GDF5: variants seen among roughly 807,000 people sequenced by gnomAD.
GDF5 encodes the protein growth/differentiation factor 5.
GDF5 carries 17 observed loss-of-function variants against 34.6 expected under a neutral mutation model. The ratio of observed to expected loss-of-function variants is 0.49; its 90% CI spans 0.34 to 0.74. GDF5 has a LOEUF of 0.74. Among genes scored for constraint, GDF5 ranks in the 30% least tolerant of loss-of-function variants. The pLI, the probability that GDF5 is intolerant of heterozygous loss-of-function variation, is 0.01. For synonymous variants in GDF5, 332 were observed against 290.7 expected, an observed-to-expected ratio of 1.14 and a Z score of -1.44; for missense variants, 616 against 661.2, an observed-to-expected ratio of 0.93 and a Z score of 0.75.
upstream of GDF5, chr20:35,438,350 AAAATAC>A: frequency 4.5e-6 from 1 of 224,032 alleles, no homozygotes; most frequent in South Asian, 5.6e-5. Context: ...CTTTCCAGTG[AAAATAC>A]TTCACACACA....
rs1601069551 is a variant in GDF5 at position 35,433,588 on chromosome 20, T to G, written c.*321A>C. On this transcript the variant is annotated 3_prime_UTR_variant, in exon 2 of 2. Transcript: ENST00000374369. Reference sequence around the variant, plus strand: ...AGTCCAGAGGCTGAGAAGGCCCAGGTGAGGAGAAATGGTGGGCTGAGTCTC... The same window carrying G: ...AGTCCAGAGGCTGAGAAGGCCCAGGGGAGGAGAAATGGTGGGCTGAGTCTC... 1 of 399,638 alleles carries G rather than the reference T, an allele frequency of 2.5e-6. No individual in the cohort carries two copies. Among genetic ancestry groups the G allele is most frequent in the Non-Finnish European group, 4.8e-6 (1 of 209,538 alleles). 24.8% of individuals were successfully genotyped at this position (399,638 alleles called of 1,614,324 possible).
chr20:35,434,589 C>A lies in GDF5; in HGVS notation c.826G>T (p.Ala276Ser), dbSNP rs224331. The change falls in exon 2 of 2, where the codon GCC becomes TCC. Residue 276 changes from alanine to serine, a missense_variant. Ala to Ser is a moderately conservative substitution (Grantham distance 99). Transcript: ENST00000374369. ...GGCACGGAGCGCACATCCAGCAAGG[C>A]GGCCGGCTGCCGGCCGCTGGGGCAG... ...SSCPSGRQPA[A>S]LLDVRSVPGL... The A allele has an allele frequency of 0.64, 1,017,324 of 1,584,228 alleles. 328,587 individuals carry two copies. Among genetic ancestry groups the A allele is most frequent in the Admixed American group, 0.74 (42,432 of 56,974 alleles).
At chr20:35,443,526 T>TTATTA (rs1373604000) in intron 1 of GDF5, among the ~76,000 whole-genome samples, 1 of 130,598 alleles carries the variant, frequency 7.7e-6, no homozygotes, top group African/African-American at 3.0e-5. Context: ...TATTATTATT[T>TTATTA]TTGGAGACAG....
Position 35,433,849 on chromosome 20 carries a change from C to T in GDF5, c.*60G>A, listed in dbSNP as rs1239813609. On this transcript the variant is annotated 3_prime_UTR_variant, in exon 2 of 2. Transcript: ENST00000374369. ...CAGCTTCCTGACCCCTCTGTGATTC[C>T]AGGAGTGCAGGAAGGGGCTCTTGGG... 2 of 1,403,822 alleles carry T rather than the reference C, an allele frequency of 1.4e-6. No individual in the cohort carries two copies. Among genetic ancestry groups the T allele is most frequent in the Admixed American group, 1.7e-5 (1 of 59,744 alleles). 87.0% of individuals were successfully genotyped at this position (1,403,822 alleles called of 1,614,324 possible). A position where few individuals can be genotyped will look rare whatever the true frequency, so the allele number is the denominator to read the frequency against.
chr20:35,449,766 T>C (rs1187957738), intron 1 of GDF5, among the ~76,000 whole-genome samples: 1 of 152,092 alleles, frequency 6.6e-6, no homozygotes, highest in African/African-American at 2.4e-5. Flanking sequence ...GGAACATTGC[T>C]TGATGCCAGG....
intron 1 of GDF5, chr20:35,454,501 T>A (rs1209639229): frequency 1.3e-5 from 2 of 157,700 alleles, no homozygotes; most frequent in Non-Finnish European, 2.8e-5. Flanking sequence ...GAATAACGCA[T>A]GGGTCCTATT....
chr20:35,448,448 C>CTTTTTTTTTTTTTTTTTT (rs34209210), intron 1 of GDF5, among the ~76,000 whole-genome samples: 1 of 86,748 alleles, frequency 1.2e-5, no homozygotes, highest in Non-Finnish European at 1.9e-5. Flanking sequence ...GCCCCCCCGA[C>CTTTTTTTTTTTTTTTTTT]TTTTTTTTTT....
At chr20:35,453,106 C>T (rs1303967331) in intron 1 of GDF5, among the ~76,000 whole-genome samples, 2 of 152,002 alleles carry the variant, frequency 1.3e-5, no homozygotes, top group African/African-American at 4.8e-5. Context: ...AAAAATTAGC[C>T]GGGCGTGGTG....
chr20:35,442,835 C>T (rs1026639650), upstream of GDF5, among the ~76,000 whole-genome samples: 2 of 152,096 alleles, frequency 1.3e-5, no homozygotes, highest in African/African-American at 4.8e-5. Context: ...CATGAGCCAC[C>T]ATGCCTGGCC....
At chr20:35,453,936 G>A (rs774161783) in intron 1 of GDF5, 32 of 534,434 alleles carry the variant, frequency 6.0e-5, no homozygotes, top group Admixed American at 5.6e-4. Flanking sequence ...ACAATCTCAT[G>A]CAGCGCTTCC....
chr20:35,450,041 G>A (rs965410964), intron 1 of GDF5, among the ~76,000 whole-genome samples: 31 of 151,400 alleles, frequency 2.0e-4, no homozygotes, highest in Admixed American at 5.9e-4. Context: ...CGCGGCTCAC[G>A]CCTGTAATCC....
Position 35,434,338 on chromosome 20 carries a change from C to T in GDF5, c.1077G>A (p.Lys359=). Residue 359 remains lysine (K), a synonymous_variant, in exon 2 of 2, where the codon AAG becomes AAA. Transcript: ENST00000374369. The stretch of plus-strand genomic sequence containing the variant: ...TCTTATCGTCCTGGCCAGAGCGGGC[C>T]TTAATCTCATTAAAGAACAGGTCCC... The part of the protein sequence containing the change: ...KKRDLFFNEI[K]ARSGQDDKTV... The T allele has an allele frequency of 6.2e-7, 1 of 1,613,954 alleles. No homozygotes were observed. The highest frequency in any genetic ancestry group is 2.2e-5 in the East Asian group (1 of 44,882).
intron 1 of GDF5, among the ~76,000 whole-genome samples, chr20:35,451,061 A>T (rs1234750022): frequency 0.069 from 703 of 10,254 alleles, 76 homozygotes; most frequent in East Asian, 0.37. Context: ...AAAAAAAAAA[A>T]AAAATATATA....
chr20:35,444,100 T>A (rs2062506723), intron 1 of GDF5, among the ~76,000 whole-genome samples: 2 of 152,104 alleles, frequency 1.3e-5, no homozygotes, highest in African/African-American at 2.4e-5. Flanking sequence ...TCAGCAAACA[T>A]TTATTGGGTG....
chr20:35,438,081 A>G lies in GDF5; in HGVS notation c.-153T>C, dbSNP rs1427860247. Reference sequence around the variant, plus strand: ...GGAAAGGCTTTCTCCTCAGTCTGAGACTCTTGAAGTCTGCCGGGTGTGTGT... The same window carrying G: ...GGAAAGGCTTTCTCCTCAGTCTGAGGCTCTTGAAGTCTGCCGGGTGTGTGT... On this transcript the variant is annotated 5_prime_UTR_variant, in exon 1 of 2. Transcript: ENST00000374369. The G allele has an allele frequency of 7.2e-6, 6 of 831,116 alleles. No homozygotes were observed. Among genetic ancestry groups the G allele is most frequent in the Non-Finnish European group, 1.2e-5 (6 of 509,558 alleles). 51.5% of individuals were successfully genotyped at this position (831,116 alleles called of 1,614,324 possible).
chr20:35,439,990 C>G (rs963284407), upstream of GDF5, among the ~76,000 whole-genome samples: 1 of 131,708 alleles, frequency 7.6e-6, no homozygotes, highest in African/African-American at 2.8e-5. Flanking sequence ...GATCTTGGCT[C>G]ACTGTAATCT....
intron 1 of GDF5, among the ~76,000 whole-genome samples, chr20:35,451,327 T>C (rs1324849863): frequency 6.6e-6 from 1 of 151,562 alleles, no homozygotes; most frequent in Non-Finnish European, 1.5e-5. Context: ...AAGAAACCGT[T>C]CCCCTCACCT....
intron 1 of GDF5, among the ~76,000 whole-genome samples, chr20:35,447,303 A>T (rs2062517081): frequency 6.6e-6 from 1 of 151,914 alleles, no homozygotes; most frequent in Non-Finnish European, 1.5e-5. Context: ...CATAGGTGGG[A>T]ATTTAACAAT....
intron 1 of GDF5, among the ~76,000 whole-genome samples, chr20:35,446,632 G>GT (rs1253571264): frequency 3.3e-5 from 5 of 151,626 alleles, no homozygotes; most frequent in East Asian, 1.9e-4. Context: ...GTTTTGTTTT[G>GT]TTTTTTTAAA....
Sources: allele counts gnomAD v4.1 joint callset (sites outside exome capture counted in the v4.1 genomes callset), GRCh38; gene constraint gnomAD v4.1.1; transcripts MANE v1.5; gene names NCBI Gene and HGNC (gene_info 2026-07-23, HGNC 2026-07-21).